Variants in LMLN observed in about 807,000 individuals in gnomAD.
The protein encoded by LMLN is leishmanolysin-like peptidase.
LMLN carries 70 observed loss-of-function variants against 92.3 expected under a neutral mutation model. The observed-to-expected ratio is 0.76, with a 90% CI of 0.63 to 0.92. The LOEUF is 0.92. Ranked by LOEUF, LMLN falls within the 40% of genes least tolerant of loss-of-function variation. The probability of loss-of-function intolerance (pLI) is 0.00; values close to 1 mark genes in which losing one functional copy is unlikely to be tolerated. For synonymous variants in LMLN, 308 were observed against 296.2 expected, an observed-to-expected ratio of 1.04 and a Z score of -0.41; for missense variants, 691 against 814.6, an observed-to-expected ratio of 0.85 and a Z score of 1.85.
At chr3:197,960,587 C>T (rs1220163845) in intron 1 of LMLN, 147 bp downstream of exon 1, 3 of 703,008 alleles carry the variant, frequency 4.3e-6, no homozygotes, top group African/African-American at 1.8e-5. Flanking sequence ...GGGACCCGCT[C>T]TCAGCTCCCT....
intron 11 of LMLN, among the ~76,000 whole-genome samples, chr3:198,017,734 T>C (rs1722679141): frequency 6.6e-6 from 1 of 152,062 alleles, no homozygotes; most frequent in Admixed American, 6.6e-5. Context: ...CTGGCCAAGA[T>C]GATGAAACCT....
At chr3:197,976,491 A>G (rs2109858592) in intron 4 of LMLN, 107 bp from the exon 5 acceptor site, 2 of 582,708 alleles carry the variant, frequency 3.4e-6, no homozygotes, top group Non-Finnish European at 3.0e-6. Flanking sequence ...AAATAGTAAC[A>G]TTATTAATGA....
intron 15 of LMLN, among the ~76,000 whole-genome samples, chr3:198,036,644 A>G (rs917308959): frequency 6.6e-6 from 1 of 152,198 alleles, no homozygotes; most frequent in Admixed American, 6.5e-5. Flanking sequence ...GATGCCAATT[A>G]AACCCTTTAG....
chr3:198,024,407 G>A (rs918550935), intron 13 of LMLN, among the ~76,000 whole-genome samples: 3 of 152,002 alleles, frequency 2.0e-5, no homozygotes, highest in African/African-American at 4.8e-5. Context: ...AATAGAGACG[G>A]GGTTTCACCA....
chr3:198,017,575 C>G (rs899382395), intron 11 of LMLN, among the ~76,000 whole-genome samples: 3 of 152,124 alleles, frequency 2.0e-5, no homozygotes, highest in Non-Finnish European at 4.4e-5. Flanking sequence ...TACCATTAGC[C>G]ACATGTAGTT....
intron 10 of LMLN, among the ~76,000 whole-genome samples, chr3:197,998,859 G>A (rs1172846050): frequency 6.6e-6 from 1 of 152,202 alleles, no homozygotes; most frequent in Non-Finnish European, 1.5e-5. Flanking sequence ...AGAGTTGAAG[G>A]TGAGGAAAAC....
chr3:198,038,460 C>T, intron 15 of LMLN, 107 bp from the exon 17 acceptor site: 1 of 825,546 alleles, frequency 1.2e-6, no homozygotes. Context: ...TCAAGGTGGT[C>T]CTTGTTTACT....
chr3:197,992,179 C>T (rs1037815840), intron 9 of LMLN, among the ~76,000 whole-genome samples: 4 of 152,006 alleles, frequency 2.6e-5, no homozygotes, highest in South Asian at 2.1e-4. Context: ...GATGTATACA[C>T]ACATCCTATT....
At chr3:197,973,691 A>G (rs1436666134) in intron 1 of LMLN, among the ~76,000 whole-genome samples, 1 of 152,250 alleles carries the variant, frequency 6.6e-6, no homozygotes, top group East Asian at 1.9e-4. Context: ...GACTGTTACT[A>G]TGTTATATTA....
intron 11 of LMLN, among the ~76,000 whole-genome samples, chr3:198,016,512 C>G (rs1467725230): frequency 6.6e-6 from 1 of 152,236 alleles, no homozygotes; most frequent in Non-Finnish European, 1.5e-5. Flanking sequence ...GAGCCGGGCA[C>G]TAGCATTGTG....
intron 1 of LMLN, among the ~76,000 whole-genome samples, chr3:197,967,007 T>G (rs866931863): frequency 6.6e-6 from 1 of 152,104 alleles, no homozygotes; most frequent in African/African-American, 2.4e-5. Flanking sequence ...TGTTTCCCAG[T>G]CTCGTCTGGA....
At chr3:197,971,274 G>A (rs760554053) in intron 1 of LMLN, among the ~76,000 whole-genome samples, 9 of 152,188 alleles carry the variant, frequency 5.9e-5, no homozygotes, top group Admixed American at 2.6e-4. Context: ...AATCATGGTG[G>A]AAGATGAAGG....
chr3:197,974,455 T>G (rs765646535), exon 2 of LMLN: 2 of 1,562,710 alleles, frequency 1.3e-6, no homozygotes, highest in African/African-American at 2.7e-5. Context: ...CAAGACTGTC[T>G]ATGATAAAAG....
chr3:198,008,502 GATTGCTT>G (rs1324446461), intron 11 of LMLN, among the ~76,000 whole-genome samples: 27 of 152,202 alleles, frequency 1.8e-4, no homozygotes, highest in Admixed American at 1.7e-3. Context: ...GAGGCAGGCT[GATTGCTT>G]GAGCCCAGGA....
intron 2 of LMLN, among the ~76,000 whole-genome samples, 168 bp downstream of exon 2, chr3:197,974,642 C>T (rs750757238): frequency 1.3e-5 from 2 of 152,196 alleles, no homozygotes; most frequent in Admixed American, 6.5e-5. Flanking sequence ...ATATGAAAGC[C>T]ATGGGATATG....
rs759093680 is a variant in LMLN at position 198,025,440 on chromosome 3, C to T, written c.1656+652C>T. Among the ~76,000 whole-genome samples, 3 of 152,060 alleles carry T rather than the reference C, an allele frequency of 2.0e-5. No individual in the cohort carries two copies. Among genetic ancestry groups the T allele is most frequent in the African/African-American group, 4.8e-5 (2 of 41,396 alleles). ...CTAGGCTGGAGTGCTGCTGCAGTCA[C>T]GGCTCATTATATCCTCTACCTCCTG... On this transcript the variant is annotated intron_variant, in intron 14 of 15. Coordinates refer to ENST00000330198, the Ensembl canonical transcript of LMLN. The surrounding 1 kb of genome is among the most constrained non-coding windows in gnomAD (Gnocchi z 4.3).
At position 198,012,422 on chromosome 3, in the gene LMLN, G is replaced by T. The variant is rs572398911; in HGVS notation, c.1233-6831G>T. Among the ~76,000 whole-genome samples the T allele has an allele frequency of 7.2e-5, 11 of 152,232 alleles. No individual in the cohort carries two copies. In the East Asian group the frequency reaches 1.9e-3, roughly 27 times the overall value. The stretch of plus-strand genomic sequence containing the variant: ...TTAAGTCCTGTTGGTTGATGATGTT[G>T]GGTTCTTCTATATCCTTGCTAATTT... On this transcript the variant is annotated intron_variant, in intron 11 of 15. Transcript: ENST00000330198.
chr3:198,034,509 G>A (rs960607632), intron 14 of LMLN, among the ~76,000 whole-genome samples: 1 of 152,060 alleles, frequency 6.6e-6, no homozygotes, highest in African/African-American at 2.4e-5. Context: ...TACTTGGGAG[G>A]CTTAGGCACG....
At chr3:197,975,107 C>T (rs776197240) in intron 3 of LMLN, 35 bp downstream of exon 3, 10 of 1,213,476 alleles carry the variant, frequency 8.2e-6, no homozygotes, top group Non-Finnish European at 1.2e-5. Flanking sequence ...GAATTGGACA[C>T]TTAAAATTTT....
Sources: gnomAD v4.1 joint callset for allele counts (sites outside exome capture counted in the v4.1 genomes callset) on GRCh38, gnomAD v4.1.1 for gene constraint, Gnocchi (gnomAD v3.1) non-coding constraint, MANE v1.5 for transcripts, NCBI Gene and HGNC (gene_info 2026-07-23, HGNC 2026-07-21) for gene names.